Variants in CASKIN2 observed in about 807,000 individuals in gnomAD.
CASKIN2 encodes CASK interacting protein 2.
A neutral mutation model predicts 107.1 loss-of-function variants in CASKIN2; 41 were observed. That is an observed-to-expected ratio of 0.38 (90% CI 0.30 to 0.50). The LOEUF (loss-of-function observed/expected upper bound fraction) is 0.50, where lower values mean the gene tolerates loss of function less well. Among genes scored for constraint, CASKIN2 ranks in the 20% least tolerant of loss-of-function variants. The pLI is 0.92. For missense variants in CASKIN2, 1,546 were observed against 1,657.4 expected (o/e 0.93, Z 1.17); for synonymous variants, 724 against 705.6 (o/e 1.03, Z -0.41).
intron 3 of CASKIN2, 44 bp downstream of exon 3, chr17:75,508,190 C>G: frequency 3.1e-6 from 5 of 1,607,768 alleles, no homozygotes; most frequent in Non-Finnish European, 4.3e-6. Flanking sequence ...GGCTCTACTG[C>G]CCCCACCCAG....
At chr17:75,513,175 C>T (rs576251110) in intron 2 of CASKIN2, among the ~76,000 whole-genome samples, 20 of 143,330 alleles carry the variant, frequency 1.4e-4, no homozygotes, top group African/African-American at 5.1e-4. Flanking sequence ...CAGTGACTCA[C>T]GCCTGTAATC....
chr17:75,500,915 G>A lies in CASKIN2; in HGVS notation c.*165C>T. Reference sequence around the variant, plus strand: ...GGTTCTAAGGTGGGCTGCCCCACAAGAGCTGTGGTGCCCACAGCCGCGGGC... The same window carrying A: ...GGTTCTAAGGTGGGCTGCCCCACAAAAGCTGTGGTGCCCACAGCCGCGGGC... On this transcript the variant is annotated 3_prime_UTR_variant, in exon 20 of 20. Transcript: ENST00000321617. 3.1e-6 allele frequency: 2 copies of A among 636,752 alleles called. No homozygotes were observed. Among genetic ancestry groups the A allele is most frequent in the Admixed American group, 2.6e-5 (1 of 37,816 alleles). 39.4% of individuals were successfully genotyped at this position (636,752 alleles called of 1,614,324 possible).
Position 75,502,972 on chromosome 17 carries a change from A to C in CASKIN2, c.2102T>G (p.Ile701Ser), listed in dbSNP as rs1486946192. 6.2e-7 allele frequency: 1 copy of C among 1,600,136 alleles called. No individual in the cohort carries two copies. The highest frequency in any genetic ancestry group is 8.5e-7 in the Non-Finnish European group (1 of 1,173,126). Residue 701 changes from isoleucine (I) to serine (S), a missense_variant, in exon 18 of 20, where the codon ATC (isoleucine) becomes AGC (serine). Coordinates refer to ENST00000321617, the MANE Select transcript of CASKIN2 (RefSeq NM_020753.5). This position sits in a 1 kb window ranked among gnomAD's most constrained non-coding sequence, Gnocchi z 4.3. ...PPARSPSQESIGARSRGSGHS... is the reference protein window; with the variant it reads ...PPARSPSQESSGARSRGSGHS... ...GCCAGACCCCCGTGAGCGTGCCCCGATGCTCTCCTGGCTGGGAGAGCGGGC... is the reference window on the plus strand; with the variant it reads ...GCCAGACCCCCGTGAGCGTGCCCCGCTGCTCTCCTGGCTGGGAGAGCGGGC...
Position 75,506,517 on chromosome 17 carries a change from GAGC to G in CASKIN2, c.617+63_617+65del, listed in dbSNP as rs2053267480. ...CCCGGGTGAAAAGGGCAGTGGGGGA[GAGC>G]ACTGAGGGGCACCGATGGTCCCGCA... On this transcript the variant is annotated intron_variant, in intron 7 of 19. Coordinates refer to ENST00000321617, the MANE Select transcript of CASKIN2 (RefSeq NM_020753.5). The surrounding 1 kb of genome is among the most constrained non-coding windows in gnomAD (Gnocchi z 4.8). The G allele has an allele frequency of 6.2e-7, 1 of 1,601,302 alleles. No homozygotes were observed.
chr17:75,511,509 T>C (rs1189722649), intron 2 of CASKIN2, among the ~76,000 whole-genome samples: 1 of 152,090 alleles, frequency 6.6e-6, no homozygotes, highest in Non-Finnish European at 1.5e-5. Context: ...ACAGAACGGA[T>C]ATTGAAATAC....
At chr17:75,508,345 T>TC in intron 2 of CASKIN2, 60 bp from the exon 3 acceptor site, 1 of 1,549,790 alleles carries the variant, frequency 6.5e-7, no homozygotes, top group Non-Finnish European at 8.8e-7. Context: ...TCAGCATCCC[T>TC]CCCCCCACCT....
In CASKIN2 at chr17:75,500,724, T is replaced by C. The variant is rs1017548395; in HGVS notation, c.*356A>G. The C allele has an allele frequency of 2.9e-5, 8 of 277,426 alleles. No homozygotes were observed. Among genetic ancestry groups the C allele is most frequent in the African/African-American group, 1.8e-4 (8 of 43,778 alleles). The allele number at this position is 277,426 out of a possible 1,614,324, so 17.2% of individuals were successfully genotyped here. ...CATTCCCTTGGCACAACTTGGGACA[T>C]GGGCTGGGGGGTACAGAGAAAGCAC... On this transcript the variant is annotated 3_prime_UTR_variant, in exon 20 of 20. Transcript: ENST00000321617.
intron 2 of CASKIN2, among the ~76,000 whole-genome samples, chr17:75,508,713 T>C (rs1049355554): frequency 1.3e-5 from 2 of 152,178 alleles, no homozygotes; most frequent in African/African-American, 4.8e-5. Flanking sequence ...CAGGCCACGA[T>C]GCCCAGTCCT....
Position 75,501,108 on chromosome 17 carries a change from G to A in CASKIN2, c.3581C>T (p.Ala1194Val). 6.3e-7 allele frequency: 1 copy of A among 1,586,462 alleles called. No individual in the cohort carries two copies. The highest frequency in any genetic ancestry group is 1.8e-5 in the Admixed American group (1 of 55,760). Reference sequence around the variant, plus strand: ...GTCCAGCATGGCGTCCAGCTGGTCAGCCAGGGCGTCGAACATGGTGCTGAT... The same window carrying A: ...GTCCAGCATGGCGTCCAGCTGGTCAACCAGGGCGTCGAACATGGTGCTGAT... ...DDISTMFDAL[A>V]DQLDAMLD The change falls in exon 20 of 20, where the codon GCT (alanine) becomes GTT (valine). Residue 1194 changes from alanine to valine, a missense_variant. Transcript: ENST00000321617.
rs1487118217 is a variant in CASKIN2 at position 75,504,842 on chromosome 17, G to A, written c.1162C>T (p.Pro388Ser). 1.2e-6 allele frequency: 2 copies of A among 1,611,284 alleles called. No individual in the cohort carries two copies. Among genetic ancestry groups the A allele is most frequent in the Admixed American group, 3.3e-5 (2 of 59,866 alleles). Residue 388 changes from proline to serine, a missense_variant, in exon 11 of 20, where the codon CCT becomes TCT. Transcript: ENST00000321617. ...PPHPLTYSQLPRVGLSPDSPA... is the reference protein window; with the variant it reads ...PPHPLTYSQLSRVGLSPDSPA... ...CTGTCTGGGCTGAGGCCCACCCGAG[G>A]AAGCTGGCTGTAGGTAAGAGGGTGC...
chr17:75,509,816 C>T, intron 2 of CASKIN2: 1 of 985,636 alleles, frequency 1.0e-6, no homozygotes, highest in Non-Finnish European at 1.2e-6. Context: ...CCCTCCTCTT[C>T]CAACAGCCTG....
Position 75,502,780 on chromosome 17 carries a change from C to T in CASKIN2, c.2294G>A (p.Ser765Asn). 6.2e-7 allele frequency: 1 copy of T among 1,600,232 alleles called. No individual in the cohort carries two copies. Among genetic ancestry groups the T allele is most frequent in the Non-Finnish European group, 8.5e-7 (1 of 1,173,848 alleles). ...GCCAGGAGGTGGCCCTGGGGCCGGG[C>T]TAGAGGGTGAGCCCTGGGGGTACAT... ...VFMYPQGSPS[S>N]PAPGPPPGAP... is the part of the protein sequence containing the mutation. Residue 765 changes from serine (S) to asparagine (N), a missense_variant, in exon 18 of 20, where the codon AGC (serine) becomes AAC (asparagine). By Grantham distance (46) the Ser-to-Asn change is conservative. This residue lies in a region of CASKIN2 where 1,311 missense variants were observed against 1,311.0 expected (regional missense o/e 1.00). Transcript: ENST00000321617. The surrounding 1 kb of genome is among the most constrained non-coding windows in gnomAD (Gnocchi z 4.3).
chr17:75,506,675 T>C lies in CASKIN2; in HGVS notation c.525A>G (p.Ala175=), dbSNP rs759900408. ...QLLLNSHLCV[A]LLEGEAKDPC... ...GGTCTTTGGCCTCACCCTCCAGCAG[T>C]GCCACACATAAGTGGCTGTTCAGAA... The change falls in exon 7 of 20, where the codon GCA becomes GCG. Residue 175 remains alanine, a synonymous_variant. Coordinates refer to ENST00000321617, the MANE Select transcript of CASKIN2 (RefSeq NM_020753.5). This position sits in a 1 kb window ranked among gnomAD's most constrained non-coding sequence, Gnocchi z 4.8. 6.2e-6 allele frequency: 10 copies of C among 1,613,202 alleles called. No homozygotes were observed. The highest frequency in any genetic ancestry group is 1.3e-5 in the African/African-American group (1 of 74,814).
rs761919106 is a variant in CASKIN2, at chr17:75,502,053, C to T, written c.3021G>A (p.Leu1007=). The T allele has an allele frequency of 7.4e-6, 12 of 1,612,320 alleles. No individual in the cohort carries two copies. The highest frequency in any genetic ancestry group is 1.0e-5 in the Non-Finnish European group (12 of 1,179,904). The change falls in exon 18 of 20, where the codon CTG becomes CTA. Residue 1007 remains leucine, a synonymous_variant. Coordinates refer to ENST00000321617, the MANE Select transcript of CASKIN2 (RefSeq NM_020753.5). This position sits in a 1 kb window ranked among gnomAD's most constrained non-coding sequence, Gnocchi z 4.3. ...GCGTGGCACTGGCCACTCCGAAGGC[C>T]AGCAGTGCGGTCTGCAGTGGCTCTC... ...REREPLQTAL[L]AFGVASATPG...
chr17:75,512,382 T>C (rs1221059268), intron 2 of CASKIN2, among the ~76,000 whole-genome samples: 2 of 152,160 alleles, frequency 1.3e-5, no homozygotes, highest in African/African-American at 4.8e-5. Context: ...CCCAGAGGTC[T>C]ATTCTCCCTG....
Position 75,513,700 on chromosome 17 carries a change from C to T in CASKIN2, c.94+11G>A. The T allele has an allele frequency of 3.1e-6, 5 of 1,613,168 alleles. No individual in the cohort carries two copies. Among genetic ancestry groups the T allele is most frequent in the Non-Finnish European group, 4.2e-6 (5 of 1,179,500 alleles). On this transcript the variant is annotated intron_variant, in intron 2 of 19. Transcript: ENST00000321617. ...GGCCTCAGCGGGATGCTCGTCCCACCCGGTACTCACTTGTCTTTGTGGCCT... is the reference window on the plus strand; with the variant it reads ...GGCCTCAGCGGGATGCTCGTCCCACTCGGTACTCACTTGTCTTTGTGGCCT...
chr17:75,503,396 G>T lies in CASKIN2; in HGVS notation c.1812C>A (p.Asn604Lys), dbSNP rs1353914894. 2 of 1,612,138 alleles carry T rather than the reference G, an allele frequency of 1.2e-6. No individual in the cohort carries two copies. The highest frequency in any genetic ancestry group is 1.3e-5 in the African/African-American group (1 of 74,902). ...CCTCAGGACAGTCCTTACCGAGCTTGTTGACCCCAATCTCCTGCAGCTCCT... is the reference window on the plus strand; with the variant it reads ...CCTCAGGACAGTCCTTACCGAGCTTTTTGACCCCAATCTCCTGCAGCTCCT... ...TWEELQEIGVNKLGHQKKLML... is the reference protein window; with the variant it reads ...TWEELQEIGVKKLGHQKKLML... Residue 604 changes from asparagine to lysine, a missense_variant, in exon 17 of 20, where the codon AAC becomes AAA. This residue lies in a region of CASKIN2 where 1,311 missense variants were observed against 1,311.0 expected (regional missense o/e 1.00). Transcript: ENST00000321617.
In CASKIN2 at chr17:75,506,784, G is replaced by A; in HGVS notation, c.486+15C>T. ...AGATGTCCAGGACCCAGCACCCCAA[G>A]GCTGCAGGCCTCACCTTGAGTCGGC... On this transcript the variant is annotated intron_variant, in intron 6 of 19. Transcript: ENST00000321617. This position sits in a 1 kb window ranked among gnomAD's most constrained non-coding sequence, Gnocchi z 4.8. 1 of 1,613,822 alleles carries A rather than the reference G, an allele frequency of 6.2e-7. No individual in the cohort carries two copies. The highest frequency in any genetic ancestry group is 8.5e-7 in the Non-Finnish European group (1 of 1,179,986).
intron 1 of CASKIN2, among the ~76,000 whole-genome samples, chr17:75,514,667 A>T (rs2053341722): frequency 1.3e-5 from 2 of 152,142 alleles, no homozygotes. Context: ...CTCCCTACGG[A>T]GGCTTCAAGG....
Sources: gnomAD v4.1 joint callset for allele counts (sites outside exome capture counted in the v4.1 genomes callset) on GRCh38, gnomAD v4.1.1 for gene constraint, gnomAD v4.1.1 regional missense constraint, Gnocchi (gnomAD v3.1) non-coding constraint, MANE v1.5 for transcripts, NCBI Gene and HGNC (gene_info 2026-07-23, HGNC 2026-07-21) for gene names.